Variants in UBE2E2 observed in about 807,000 individuals in gnomAD.
UBE2E2 encodes ubiquitin conjugating enzyme E2 E2, also known as ubiquitin-conjugating enzyme E2 E2.
In UBE2E2, 6 loss-of-function variants were observed where a neutral mutation model predicts 24.7. That is an observed-to-expected ratio of 0.24 (90% CI 0.13 to 0.48). UBE2E2 has a LOEUF of 0.48. Ranked by LOEUF, UBE2E2 falls within the 20% of genes least tolerant of loss-of-function variation. The pLI, the probability that UBE2E2 is intolerant of heterozygous loss-of-function variation, is 0.99. For synonymous variants in UBE2E2, 104 were observed against 83.6 expected, an observed-to-expected ratio of 1.24 and a Z score of -1.33; for missense variants, 169 against 245.0, an observed-to-expected ratio of 0.69 and a Z score of 2.07.
chr3:23,316,250 G>A (rs997405709), intron 3 of UBE2E2, among the ~76,000 whole-genome samples: 3 of 152,064 alleles, frequency 2.0e-5, no homozygotes, highest in African/African-American at 4.8e-5. Context: ...ATCCAAGAGC[G>A]AGGGCCCGGA....
chr3:23,350,975 G>A (rs1344641918), intron 3 of UBE2E2, among the ~76,000 whole-genome samples: 8 of 152,152 alleles, frequency 5.3e-5, no homozygotes, highest in Non-Finnish European at 1.2e-4. Flanking sequence ...AATGTTAAGG[G>A]CAGCCAGAGA....
chr3:23,360,163 A>G (rs2125330411), intron 3 of UBE2E2, among the ~76,000 whole-genome samples: 1 of 152,344 alleles, frequency 6.6e-6, no homozygotes, highest in Middle Eastern at 3.4e-3. Context: ...ACTGTAAGAC[A>G]TCATTATTAT....
intron 3 of UBE2E2, among the ~76,000 whole-genome samples, chr3:23,447,674 T>C (rs2125413703): frequency 6.6e-6 from 1 of 152,292 alleles, no homozygotes; most frequent in Non-Finnish European, 1.5e-5. Context: ...ATGTAATCCT[T>C]TCTTTGTGCT....
chr3:23,525,274 G>T (rs1019272584), intron 4 of UBE2E2, among the ~76,000 whole-genome samples: 6 of 152,152 alleles, frequency 3.9e-5, no homozygotes, highest in African/African-American at 1.4e-4. Flanking sequence ...ATCATGTGAG[G>T]TAACATTCAC....
chr3:23,367,586 A>G (rs973872672), intron 3 of UBE2E2, among the ~76,000 whole-genome samples: 3 of 152,188 alleles, frequency 2.0e-5, no homozygotes, highest in Admixed American at 6.5e-5. Flanking sequence ...ACCTTGCCCT[A>G]TGCATGTCTT....
chr3:23,426,168 G>A (rs1330939295), intron 3 of UBE2E2, among the ~76,000 whole-genome samples: 1 of 152,072 alleles, frequency 6.6e-6, no homozygotes, highest in Non-Finnish European at 1.5e-5. Context: ...AAAACCTTGA[G>A]TATATGTCAG....
At chr3:23,260,268 A>G (rs904458604) in intron 3 of UBE2E2, among the ~76,000 whole-genome samples, 5 of 152,190 alleles carry the variant, frequency 3.3e-5, no homozygotes, top group Non-Finnish European at 7.3e-5. Context: ...AATGCTATAT[A>G]TTTTTTAATT....
chr3:23,260,105 G>A (rs1467314211), intron 3 of UBE2E2, among the ~76,000 whole-genome samples: 3 of 152,118 alleles, frequency 2.0e-5, no homozygotes, highest in Non-Finnish European at 2.9e-5. Context: ...ACATTGTTGG[G>A]TTAAAAATTA....
chr3:23,359,753 A>G (rs563336220), intron 3 of UBE2E2, among the ~76,000 whole-genome samples: 2 of 152,260 alleles, frequency 1.3e-5, no homozygotes, highest in East Asian at 3.9e-4. Context: ...TCAGGAAATT[A>G]TACTTGCACC....
intron 4 of UBE2E2, among the ~76,000 whole-genome samples, chr3:23,501,518 A>G (rs1699719553): frequency 6.6e-6 from 1 of 152,034 alleles, no homozygotes; most frequent in South Asian, 2.1e-4. Context: ...CTGAAGTCTG[A>G]CTCCAGGGGC....
chr3:23,552,579 T>C (rs138668726), intron 5 of UBE2E2, among the ~76,000 whole-genome samples: 93 of 152,276 alleles, frequency 6.1e-4, no homozygotes, highest in African/African-American at 2.1e-3. Context: ...AAGAAATAAA[T>C]AGGAGTTAGC....
rs1372500300 is a variant in UBE2E2 at position 23,260,584 on chromosome 3, G to T, written c.227+43272G>T. Among the ~76,000 whole-genome samples the T allele has an allele frequency of 3.9e-5, 6 of 152,070 alleles. No individual in the cohort carries two copies. In the East Asian group the frequency reaches 9.6e-4, roughly 24 times the overall value. On this transcript the variant is annotated intron_variant, in intron 3 of 5. Transcript: ENST00000396703. ...TCCCAGCACTTTGGGAGGTCGAGGT[G>T]GGAGGATTGCTTGAGTTCAGGAGTT...
At chr3:23,457,846 G>A (rs1559389523) in intron 3 of UBE2E2, among the ~76,000 whole-genome samples, 1 of 152,166 alleles carries the variant, frequency 6.6e-6, no homozygotes, top group Non-Finnish European at 1.5e-5. Flanking sequence ...TACTCTCTTA[G>A]CCTTCGCAGA....
At chr3:23,515,651 T>C (rs371375081) in intron 4 of UBE2E2, among the ~76,000 whole-genome samples, 4 of 151,848 alleles carry the variant, frequency 2.6e-5, no homozygotes, top group Middle Eastern at 3.2e-3. Flanking sequence ...TAAGAACATA[T>C]AAAAGTGGTA....
chr3:23,446,304 C>A (rs1698428885), intron 3 of UBE2E2, among the ~76,000 whole-genome samples: 1 of 152,188 alleles, frequency 6.6e-6, no homozygotes, highest in African/African-American at 2.4e-5. Flanking sequence ...GCCCTGAACT[C>A]CTTAAAAAGT....
intron 5 of UBE2E2, among the ~76,000 whole-genome samples, chr3:23,588,402 GTTTTTTT>G (rs1696675799): frequency 2.7e-5 from 3 of 110,040 alleles, no homozygotes; most frequent in African/African-American, 6.9e-5. Flanking sequence ...TTGTTTTTTT[GTTTTTTT>G]GTTTTTTTTT....
At chr3:23,534,423 G>T (rs1325745373) in intron 5 of UBE2E2, among the ~76,000 whole-genome samples, 7 of 151,648 alleles carry the variant, frequency 4.6e-5, no homozygotes, top group African/African-American at 1.7e-4. Flanking sequence ...ATAAGTAAAA[G>T]AAATAGATTT....
At chr3:23,243,085 C>CA (rs559311463) in intron 3 of UBE2E2, among the ~76,000 whole-genome samples, 11,666 of 118,252 alleles carry the variant, frequency 0.099, 538 homozygotes, top group Non-Finnish European at 0.11. Context: ...GACGCTGTTT[C>CA]AAAAAAAAAA....
intron 4 of UBE2E2, among the ~76,000 whole-genome samples, chr3:23,504,064 CTGTTT>C (rs1694373759): frequency 6.6e-6 from 1 of 152,026 alleles, no homozygotes; most frequent in African/African-American, 2.4e-5. Flanking sequence ...TTAGGTATAT[CTGTTT>C]TAAGACTTTT....
Sources: gnomAD v4.1 joint callset for allele counts (sites outside exome capture counted in the v4.1 genomes callset) on GRCh38, gnomAD v4.1.1 for gene constraint, MANE v1.5 for transcripts, NCBI Gene and HGNC (gene_info 2026-07-23, HGNC 2026-07-21) for gene names.